CELF2: variants seen among roughly 807,000 people sequenced by gnomAD.
CELF2 encodes the protein CUG triplet repeat RNA-binding protein 2.
A neutral mutation model predicts 62.6 loss-of-function variants in CELF2; 8 were observed. That is an observed-to-expected ratio of 0.13 (90% confidence interval 0.07 to 0.23). CELF2 has a LOEUF of 0.23. Among genes scored for constraint, CELF2 ranks in the 10% least tolerant of loss-of-function variants. The pLI is 1.00. For synonymous variants in CELF2, 258 were observed against 250.0 expected, an observed-to-expected ratio of 1.03 and a Z score of -0.30; for missense variants, 333 against 671.0, an observed-to-expected ratio of 0.50 and a Z score of 5.56.
chr10:10,937,787 A>G (rs1049533921), intron 2 of CELF2, among the ~76,000 whole-genome samples: 9 of 152,152 alleles, frequency 5.9e-5, no homozygotes, highest in Non-Finnish European at 1.2e-4. Context: ...CTCATTCTGT[A>G]TCAGTGGCTG....
chr10:10,811,033 A>G (rs950004219), intron 1 of CELF2, among the ~76,000 whole-genome samples: 1 of 152,138 alleles, frequency 6.6e-6, no homozygotes, highest in Non-Finnish European at 1.5e-5. Context: ...TCAGTATCAA[A>G]ATGTCTCCTC....
At chr10:10,551,287 C>G in the CELF2 span, among the ~76,000 whole-genome samples, 1 of 152,036 alleles carries the variant, frequency 6.6e-6, no homozygotes, top group African/African-American at 2.4e-5. Context: ...TAGAGTTGCC[C>G]CTGATTGAGG....
In CELF2 at chr10:11,332,850, T is replaced by G. The variant is rs1021200761; in HGVS notation, c.*3797T>G. On this transcript the variant is annotated 3_prime_UTR_variant, in exon 13 of 13. Transcript: ENST00000633077. The stretch of plus-strand genomic sequence containing the variant: ...CATGTGTTTACTACTGCTGGGGCCT[T>G]CCTTCATCCTCTGAGGGCTATTTTG... The G allele has an allele frequency of 3.3e-5, 5 of 152,662 alleles. No individual in the cohort carries two copies. Among genetic ancestry groups the G allele is most frequent in the African/African-American group, 4.8e-5 (2 of 41,438 alleles). The allele number at this position is 152,662 out of a possible 1,614,324, so 9.5% of individuals were successfully genotyped here.
the CELF2 span, among the ~76,000 whole-genome samples, chr10:10,718,950 T>G: frequency 1.3e-5 from 2 of 151,626 alleles, no homozygotes; most frequent in African/African-American, 4.8e-5. Context: ...TTTTCTGAAA[T>G]AGTTACTGGA....
At chr10:10,475,207 C>G in the CELF2 span, among the ~76,000 whole-genome samples, 2 of 152,072 alleles carry the variant, frequency 1.3e-5, no homozygotes, top group South Asian at 4.2e-4. Flanking sequence ...GTCTCTGATT[C>G]TGGGAGGGCA....
At chr10:10,605,306 A>C in the CELF2 span, among the ~76,000 whole-genome samples, 413 of 152,294 alleles carry the variant, frequency 2.7e-3, 1 homozygote, top group Non-Finnish European at 4.3e-3. Context: ...CATTAGGGAA[A>C]GGACCTAATG....
chr10:11,019,924 ATG>A (rs1198939214), intron 1 of CELF2, among the ~76,000 whole-genome samples: 69 of 152,330 alleles, frequency 4.5e-4, no homozygotes, highest in Non-Finnish European at 8.8e-4. Flanking sequence ...TCGCCTAATC[ATG>A]ATTTTGAATT....
chr10:10,587,272 G>T, the CELF2 span, among the ~76,000 whole-genome samples: 1 of 152,122 alleles, frequency 6.6e-6, no homozygotes, highest in Non-Finnish European at 1.5e-5. Flanking sequence ...ACAAAATGTC[G>T]ATAGGACATG....
intron 2 of CELF2, among the ~76,000 whole-genome samples, chr10:10,974,110 C>T (rs1176539367): frequency 1.3e-5 from 2 of 152,192 alleles, no homozygotes; most frequent in African/African-American, 4.8e-5. Flanking sequence ...CATTTAGAAT[C>T]CTTTGTAAAC....
intron 1 of CELF2, among the ~76,000 whole-genome samples, chr10:11,129,876 G>C (rs1246217409): frequency 6.6e-6 from 1 of 152,132 alleles, no homozygotes; most frequent in Non-Finnish European, 1.5e-5. Flanking sequence ...GTCTCCTTCA[G>C]TTCTGCTCTG....
the CELF2 span, among the ~76,000 whole-genome samples, chr10:10,580,631 T>C: frequency 1.3e-5 from 2 of 152,202 alleles, no homozygotes; most frequent in East Asian, 3.9e-4. Flanking sequence ...ATTTTGAAAG[T>C]TCCTGGCAGT....
chr10:10,969,610 T>C, intron 2 of CELF2, among the ~76,000 whole-genome samples: 1 of 151,706 alleles, frequency 6.6e-6, no homozygotes, highest in East Asian at 1.9e-4. Context: ...CCCTTCCCCA[T>C]TCTCTGTCAT....
chr10:10,804,501 A>AG (rs1488760017), intron 1 of CELF2, among the ~76,000 whole-genome samples: 5 of 152,248 alleles, frequency 3.3e-5, no homozygotes, highest in African/African-American at 9.6e-5. Context: ...TCTTGTTATT[A>AG]GGAAAAAACT....
intron 1 of CELF2, among the ~76,000 whole-genome samples, chr10:10,912,446 T>A (rs936212188): frequency 6.6e-6 from 1 of 152,180 alleles, no homozygotes; most frequent in Non-Finnish European, 1.5e-5. Context: ...CTCGGCTCAC[T>A]GCAACCTCCA....
chr10:10,826,507 T>TA (rs909381572), intron 1 of CELF2, among the ~76,000 whole-genome samples: 32 of 152,208 alleles, frequency 2.1e-4, no homozygotes, highest in East Asian at 9.6e-4. Context: ...ATGCTTATGC[T>TA]AAAAAAAATC....
At chr10:11,056,961 G>C (rs1218429122) in intron 1 of CELF2, among the ~76,000 whole-genome samples, 1 of 152,182 alleles carries the variant, frequency 6.6e-6, no homozygotes, top group Non-Finnish European at 1.5e-5. Flanking sequence ...ACATGCTTCT[G>C]GGGGAGGGGT....
At chr10:10,909,246 G>A (rs764626447) in intron 1 of CELF2, among the ~76,000 whole-genome samples, 5 of 152,324 alleles carry the variant, frequency 3.3e-5, no homozygotes, top group African/African-American at 4.8e-5. Context: ...CTAAAAGGGA[G>A]CAAATCTGTT....
At chr10:10,919,883 CTTA>C (rs766825708) in intron 1 of CELF2, 3 of 911,518 alleles carry the variant, frequency 3.3e-6, no homozygotes, top group Non-Finnish European at 4.3e-6. Context: ...TACCATAATA[CTTA>C]TTATGTGATT....
At chr10:10,754,167 CAG>C in the CELF2 span, among the ~76,000 whole-genome samples, 2 of 134,928 alleles carry the variant, frequency 1.5e-5, no homozygotes, top group East Asian at 2.4e-4. Context: ...TTTTTTGAGA[CAG>C]AGTCTTACTC....
Sources: allele counts gnomAD v4.1 joint callset (sites outside exome capture counted in the v4.1 genomes callset), GRCh38; gene constraint gnomAD v4.1.1; transcripts MANE v1.5; gene names NCBI Gene and HGNC (gene_info 2026-07-23, HGNC 2026-07-21).